Variants in CEP164 observed in about 807,000 individuals in gnomAD.
The protein encoded by CEP164 is centrosomal protein 164.
Under a neutral mutation model 182.7 loss-of-function variants are expected in CEP164, and 162 were observed. The ratio of observed to expected loss-of-function variants is 0.89; its 90% CI spans 0.78 to 1.01. The LOEUF is 1.01. CEP164 is among the 50% of genes least tolerant of loss of function. The probability of loss-of-function intolerance (pLI) is 0.00; values close to 1 mark genes in which losing one functional copy is unlikely to be tolerated. For synonymous variants in CEP164, 661 were observed against 690.0 expected, an observed-to-expected ratio of 0.96 and a Z score of 0.66; for missense variants, 1,735 against 1,790.4, an observed-to-expected ratio of 0.97 and a Z score of 0.56.
At chr11:117,336,398 G>T in intron 2 of CEP164, 2 of 1,402,426 alleles carry the variant, frequency 1.4e-6, no homozygotes, top group Non-Finnish European at 2.0e-6. Context: ...GGGTATGGAG[G>T]AAGGTGGGGA....
intron 2 of CEP164, among the ~76,000 whole-genome samples, chr11:117,337,947 G>C (rs1214750549): frequency 6.6e-6 from 1 of 152,128 alleles, no homozygotes. Flanking sequence ...TGCTCCCTCT[G>C]TTTAGAATGC....
chr11:117,384,326 G>T (rs1011676811), intron 14 of CEP164, among the ~76,000 whole-genome samples: 1 of 152,222 alleles, frequency 6.6e-6, no homozygotes, highest in African/African-American at 2.4e-5. Flanking sequence ...GTGTATGGAA[G>T]GGGTGGTCAT....
At chr11:117,412,047 C>T in intron 32 of CEP164, 25 bp from the exon 33 acceptor site, 1 of 1,613,226 alleles carries the variant, frequency 6.2e-7, no homozygotes, top group Non-Finnish European at 8.5e-7. Context: ...CCAGCGACTG[C>T]AGTTTTCCTT....
intron 4 of CEP164, among the ~76,000 whole-genome samples, chr11:117,347,382 T>G (rs1265165301): frequency 1.3e-5 from 2 of 152,200 alleles, no homozygotes; most frequent in Non-Finnish European, 2.9e-5. Context: ...ATATTCTAGG[T>G]CTTTTGTATT....
chr11:117,395,824 C>T, intron 24 of CEP164, 102 bp downstream of exon 24: 1 of 1,393,564 alleles, frequency 7.2e-7, no homozygotes, highest in Non-Finnish European at 9.7e-7. Flanking sequence ...GAGGTGGAGT[C>T]CCAGCTTGGG....
At chr11:117,407,174 C>G (rs1281864161) in intron 27 of CEP164, among the ~76,000 whole-genome samples, 1 of 152,130 alleles carries the variant, frequency 6.6e-6, no homozygotes, top group Admixed American at 6.5e-5. Context: ...GCCCCTAGGA[C>G]TGGCTTGGGG....
chr11:117,392,130 C>A, intron 17 of CEP164, 96 bp from the exon 18 acceptor site: 1 of 1,075,644 alleles, frequency 9.3e-7, no homozygotes, highest in Non-Finnish European at 1.3e-6. Context: ...TGACCCTGAT[C>A]TCGAGGGCTT....
upstream of CEP164, chr11:117,323,947 G>GT (rs1386255338): frequency 2.2e-4 from 69 of 308,170 alleles, no homozygotes; most frequent in South Asian, 3.4e-4. Flanking sequence ...CGGTTATTTG[G>GT]TTTTTTTTCT....
At chr11:117,350,546 A>T (rs543696276) in intron 4 of CEP164, among the ~76,000 whole-genome samples, 2 of 152,080 alleles carry the variant, frequency 1.3e-5, no homozygotes, top group Non-Finnish European at 2.9e-5. Flanking sequence ...GGTCATTTGC[A>T]TATCTTCTAT....
intron 5 of CEP164, among the ~76,000 whole-genome samples, chr11:117,354,218 A>G (rs56264727): frequency 0.078 from 11,789 of 152,060 alleles, 606 homozygotes; most frequent in Non-Finnish European, 0.12. Flanking sequence ...GGGTTTCACC[A>G]TGATGGCCAG....
intron 12 of CEP164, 53 bp from the exon 13 acceptor site, chr11:117,381,648 C>G: frequency 6.4e-7 from 1 of 1,559,738 alleles, no homozygotes; most frequent in East Asian, 2.3e-5. Context: ...CAGTTCTCTT[C>G]CCGCTCTCCA....
At chr11:117,371,585 C>G in intron 9 of CEP164, 119 bp downstream of exon 9, 1 of 1,245,968 alleles carries the variant, frequency 8.0e-7, no homozygotes, top group Non-Finnish European at 1.1e-6. Flanking sequence ...ATTTGCGTGT[C>G]CCTGCACTGG....
rs2047046681 is a variant in CEP164, at chr11:117,409,231, C to T, written c.3748+203C>T. 1 of 674,530 alleles carries T rather than the reference C, an allele frequency of 1.5e-6. No individual in the cohort carries two copies. The highest frequency in any genetic ancestry group is 2.8e-5 in the Admixed American group (1 of 35,224). The allele number at this position is 674,530 out of a possible 1,614,324, so 41.8% of individuals were successfully genotyped here. On this transcript the variant is annotated intron_variant, in intron 29 of 32. Coordinates refer to ENST00000278935, the MANE Select transcript of CEP164 (RefSeq NM_014956.5). The surrounding 1 kb of genome is among the most constrained non-coding windows in gnomAD (Gnocchi z 4.4). ...CGTGGGGCTGAAAGGTCAGGGAAGC[C>T]CTCTGAATGCTGCAGAGCACTCTAC...
intron 8 of CEP164, among the ~76,000 whole-genome samples, chr11:117,364,777 C>A (rs1193082325): frequency 6.6e-6 from 1 of 152,052 alleles, no homozygotes. Context: ...GGATTACAGG[C>A]GTGAGCCACT....
At chr11:117,365,558 G>A (rs2041534073) in intron 8 of CEP164, among the ~76,000 whole-genome samples, 1 of 150,562 alleles carries the variant, frequency 6.6e-6, no homozygotes, top group Non-Finnish European at 1.5e-5. Context: ...TTTCTTCTTT[G>A]AAAGGTGGAT....
intron 2 of CEP164, among the ~76,000 whole-genome samples, chr11:117,337,976 T>C (rs2135030438): frequency 6.6e-6 from 1 of 152,174 alleles, no homozygotes; most frequent in East Asian, 1.9e-4. Context: ...CCCATCAGAA[T>C]TCTTGCCAGC....
intron 15 of CEP164, among the ~76,000 whole-genome samples, chr11:117,388,287 A>G (rs1201052122): frequency 2.0e-5 from 3 of 152,234 alleles, no homozygotes; most frequent in African/African-American, 7.2e-5. Context: ...TGTGGGGAAG[A>G]CTGGCATGCT....
At chr11:117,374,185 T>C (rs1592239881) in intron 10 of CEP164, among the ~76,000 whole-genome samples, 1 of 152,124 alleles carries the variant, frequency 6.6e-6, no homozygotes, top group Non-Finnish European at 1.5e-5. Context: ...GGTTAGAGAC[T>C]GGTGTGTTTG....
chr11:117,361,691 G>A, intron 5 of CEP164, 144 bp from the exon 6 acceptor site: 1 of 780,260 alleles, frequency 1.3e-6, no homozygotes, highest in Non-Finnish European at 2.2e-6. Flanking sequence ...ATTTCTGGAT[G>A]TTGTGTTTCA....
Sources: allele counts gnomAD v4.1 joint callset (sites outside exome capture counted in the v4.1 genomes callset), GRCh38; gene constraint gnomAD v4.1.1; non-coding constraint Gnocchi (gnomAD v3.1); transcripts MANE v1.5; gene names NCBI Gene and HGNC (gene_info 2026-07-23, HGNC 2026-07-21).